The following ABCC5 variants were observed in gnomAD, a reference collection of about 807,000 sequenced individuals.
ABCC5 encodes the protein ATP-binding cassette sub-family C member 5.
A neutral mutation model predicts 160.9 loss-of-function variants in ABCC5; 61 were observed. The ratio of observed to expected loss-of-function variants is 0.38; its 90% CI spans 0.31 to 0.47. The LOEUF is 0.47. Ranked by LOEUF, ABCC5 falls within the 20% of genes least tolerant of loss-of-function variation. ABCC5 has a pLI of 0.99. For synonymous variants in ABCC5, 666 were observed against 700.6 expected (o/e 0.95, Z 0.78); for missense variants, 1,308 against 1,813.3 (o/e 0.72, Z 5.06).
In ABCC5 at chr3:183,951,909, G is replaced by C; in HGVS notation, c.2762C>G (p.Ser921Cys). ...TTTCAGGATCAGCATGACTGCCATG[G>C]AGAGGGCGTAGATGCTGGCATAGTA... ...MQYYASIYAL[S>C]MAVMLILKAI... is the part of the protein sequence containing the mutation. Residue 921 changes from serine (S) to cysteine (C), a missense_variant, in exon 19 of 30, where the codon TCC (serine) becomes TGC (cysteine). Physicochemically the swap from Ser to Cys is moderately radical, Grantham distance 112. This residue lies in a region of ABCC5 where 1,142 missense variants were observed against 1,527.1 expected (regional missense o/e 0.75). Transcript: ENST00000334444. The surrounding 1 kb of genome is among the most constrained non-coding windows in gnomAD (Gnocchi z 4.7). 1 of 1,614,118 alleles carries C rather than the reference G, an allele frequency of 6.2e-7. No individual in the cohort carries two copies. Among genetic ancestry groups the C allele is most frequent in the South Asian group, 1.1e-5 (1 of 91,088 alleles).
rs756672775 is a variant in ABCC5 at position 183,965,492 on chromosome 3, G to T, written c.1843C>A (p.Leu615Ile). Reference sequence around the variant, plus strand: ...CCACTGATTGCAATGCTGCCCTCTAGAAGCGTCATCTAGGGAGAGAGACAC... The same window carrying T: ...CCACTGATTGCAATGCTGCCCTCTATAAGCGTCATCTAGGGAGAGAGACAC... ...ISAILGQMTLLEGSIAISGTF... is the reference protein window; with the variant it reads ...ISAILGQMTLIEGSIAISGTF... Residue 615 changes from leucine (L) to isoleucine (I), a missense_variant, in exon 13 of 30, where the codon CTA (leucine) becomes ATA (isoleucine). Coordinates refer to ENST00000334444, the MANE Select transcript of ABCC5 (RefSeq NM_005688.4). 6.2e-7 allele frequency: 1 copy of T among 1,613,694 alleles called. No individual in the cohort carries two copies. Among genetic ancestry groups the T allele is most frequent in the Admixed American group, 1.7e-5 (1 of 60,010 alleles).
chr3:183,923,100 C>T lies in ABCC5; in HGVS notation c.4213-1699G>A, dbSNP rs145247653. Among the ~76,000 whole-genome samples, 16 of 151,840 alleles carry T rather than the reference C, an allele frequency of 1.1e-4. No homozygotes were observed. In the East Asian group the frequency reaches 2.5e-3, roughly 24 times the overall value. ...GGGTAAGTCAGTGTATTACAATGCT[C>T]GTCTCTGGGGGTAAATGGCTTATCA... On this transcript the variant is annotated intron_variant, in intron 29 of 29. Transcript: ENST00000334444.
At chr3:183,980,844 C>G (rs1718664920) in intron 8 of ABCC5, among the ~76,000 whole-genome samples, 1 of 151,942 alleles carries the variant, frequency 6.6e-6, no homozygotes, top group Non-Finnish European at 1.5e-5. Context: ...TCACGAATAG[C>G]TGGGATTACA....
chr3:183,954,186 C>T (rs892933899), intron 17 of ABCC5, among the ~76,000 whole-genome samples: 1 of 151,884 alleles, frequency 6.6e-6, no homozygotes, highest in African/African-American at 2.4e-5. Flanking sequence ...CTCACTCTGT[C>T]GCCCAGGCTG....
At chr3:183,927,738 C>T in intron 27 of ABCC5, 1 of 985,388 alleles carries the variant, frequency 1.0e-6, no homozygotes, top group Non-Finnish European at 1.2e-6. Flanking sequence ...AGTTTTGGTT[C>T]TGAAAATATG....
chr3:183,992,506 C>T (rs1338572246), intron 2 of ABCC5, among the ~76,000 whole-genome samples: 10 of 152,206 alleles, frequency 6.6e-5, no homozygotes, highest in Admixed American at 2.6e-4. Context: ...AGATTTTCAT[C>T]GCTTTCAAAG....
At position 183,942,808 on chromosome 3, in the gene ABCC5, T is replaced by G; in HGVS notation, c.3613A>C (p.Asn1205His). The change falls in exon 25 of 30, where the codon AAC (asparagine) becomes CAC (histidine). Residue 1205 changes from asparagine to histidine, a missense_variant. Asn to His is a moderately conservative substitution (Grantham distance 68, BLOSUM62 1). Coordinates refer to ENST00000334444, the MANE Select transcript of ABCC5 (RefSeq NM_005688.4). ...FENAEMRYRE[N>H]LPLVLKKVSF... ...ACTTTCTTTAGGACGAGAGGGAGGT[T>G]TTCTCGGTACCTCATCTCTGCGTTC... 2 of 1,614,102 alleles carry G rather than the reference T, an allele frequency of 1.2e-6. No homozygotes were observed. Among genetic ancestry groups the G allele is most frequent in the Non-Finnish European group, 8.5e-7 (1 of 1,180,014 alleles).
chr3:183,964,996 C>T (rs924185366), intron 14 of ABCC5, among the ~76,000 whole-genome samples, 189 bp downstream of exon 14: 4 of 152,224 alleles, frequency 2.6e-5, no homozygotes, highest in Non-Finnish European at 4.4e-5. Context: ...AAAATACTTA[C>T]AACCTTAAAA....
At chr3:183,980,559 A>C (rs1001388026) in intron 8 of ABCC5, among the ~76,000 whole-genome samples, 4 of 152,116 alleles carry the variant, frequency 2.6e-5, no homozygotes, top group Admixed American at 6.5e-5. Context: ...AGCCCCGTCC[A>C]CTGCTGGGCA....
intron 10 of ABCC5, among the ~76,000 whole-genome samples, chr3:183,974,376 C>G (rs1276878736): frequency 1.3e-5 from 2 of 152,180 alleles, no homozygotes; most frequent in East Asian, 3.9e-4. Context: ...GGCGCAATCT[C>G]AGCTCACTGC....
Position 183,977,643 on chromosome 3 carries a change from A to G in ABCC5, c.1297-19T>C. The stretch of plus-strand genomic sequence containing the variant: ...TGAAAGCCTGAAAATAGGAGAAGAG[A>G]AGAAACTGTGCCTAATGATGCTATG... On this transcript the variant is annotated intron_variant, in intron 9 of 29. Coordinates refer to ENST00000334444, the MANE Select transcript of ABCC5 (RefSeq NM_005688.4). The G allele has an allele frequency of 6.3e-7, 1 of 1,584,572 alleles. No individual in the cohort carries two copies. The highest frequency in any genetic ancestry group is 1.7e-5 in the Admixed American group (1 of 59,654).
Position 183,978,654 on chromosome 3 carries a change from A to G in ABCC5, c.1148-3T>C, listed in dbSNP as rs1011050880. Reference sequence around the variant, plus strand: ...CCGACGCTCCTCCTCGCGGATTTCTATGAATAAAAAGCAAGCCAATTTCAA... The same window carrying G: ...CCGACGCTCCTCCTCGCGGATTTCTGTGAATAAAAAGCAAGCCAATTTCAA... On this transcript the variant is annotated splice_polypyrimidine_tract_variant and splice_region_variant and intron_variant, in intron 8 of 29. Transcript: ENST00000334444. 1 of 1,612,166 alleles carries G rather than the reference A, an allele frequency of 6.2e-7. No homozygotes were observed. Among genetic ancestry groups the G allele is most frequent in the Non-Finnish European group, 8.5e-7 (1 of 1,179,314 alleles).
At position 183,984,245 on chromosome 3, in the gene ABCC5, G is replaced by C. The variant is rs1035923565; in HGVS notation, c.592-1238C>G. The stretch of plus-strand genomic sequence containing the variant: ...AAGGAAAAACTGGTGGCATCCTTCT[G>C]GGTCTTTTCAAGTCCTTGCATCTAA... On this transcript the variant is annotated intron_variant, in intron 5 of 29. Transcript: ENST00000334444. 4 of 985,646 alleles carry C rather than the reference G, an allele frequency of 4.1e-6. No individual in the cohort carries two copies. The African/African-American group carries it at 7.0e-5, about 17-fold the overall frequency. The allele number at this position is 985,646 out of a possible 1,614,324, so 61.1% of individuals were successfully genotyped here.
At chr3:184,012,242 T>C (rs749346356) in intron 2 of ABCC5, among the ~76,000 whole-genome samples, 1 of 127,016 alleles carries the variant, frequency 7.9e-6, no homozygotes. Flanking sequence ...AATAAAAAGG[T>C]TTTTTTTTTT....
chr3:183,937,299 C>G (rs888957789), intron 26 of ABCC5, among the ~76,000 whole-genome samples: 2 of 152,214 alleles, frequency 1.3e-5, no homozygotes, highest in African/African-American at 4.8e-5. Flanking sequence ...ATCACTTGAA[C>G]CCAGGAGGCG....
At chr3:184,016,450 G>A (rs1576962876) in intron 1 of ABCC5, among the ~76,000 whole-genome samples, 1 of 152,158 alleles carries the variant, frequency 6.6e-6, no homozygotes, top group African/African-American at 2.4e-5. Flanking sequence ...GGCACCCCAC[G>A]TGGAGGCCGG....
intron 2 of ABCC5, among the ~76,000 whole-genome samples, chr3:184,007,527 T>A (rs1236239056): frequency 6.6e-6 from 1 of 152,152 alleles, no homozygotes; most frequent in African/African-American, 2.4e-5. Context: ...CTTGGCTTAT[T>A]ATTCAAGAAC....
chr3:183,940,689 G>C (rs1330310503), intron 25 of ABCC5, among the ~76,000 whole-genome samples: 4 of 151,992 alleles, frequency 2.6e-5, no homozygotes, highest in Non-Finnish European at 5.9e-5. Flanking sequence ...AGACTTTAGA[G>C]TCCTCTGAAT....
Position 183,925,710 on chromosome 3 carries a change from A to G in ABCC5, c.4057T>C (p.Leu1353=). 6.2e-7 allele frequency: 1 copy of G among 1,612,866 alleles called. No homozygotes were observed. The highest frequency in any genetic ancestry group is 1.1e-5 in the South Asian group (1 of 90,914). Reference sequence around the variant, plus strand: ...TCCATGGCAGCTGTGGCTTCATCTAAAATCAGAATCTGCCAGAGAAGCAGA... The same window carrying G: ...TCCATGGCAGCTGTGGCTTCATCTAGAATCAGAATCTGCCAGAGAAGCAGA... The part of the protein sequence containing the change: ...ALLRHCKILI[L]DEATAAMDTE... Residue 1353 remains leucine, a synonymous_variant, in exon 29 of 30, where the codon TTA becomes CTA. Coordinates refer to ENST00000334444, the MANE Select transcript of ABCC5 (RefSeq NM_005688.4).
Sources: gnomAD v4.1 joint callset for allele counts (sites outside exome capture counted in the v4.1 genomes callset) on GRCh38, gnomAD v4.1.1 for gene constraint, gnomAD v4.1.1 regional missense constraint, Gnocchi (gnomAD v3.1) non-coding constraint, MANE v1.5 for transcripts, NCBI Gene and HGNC (gene_info 2026-07-23, HGNC 2026-07-21) for gene names.